Variants in RGS3 observed in about 807,000 individuals in gnomAD.
RGS3 encodes regulator of G protein signaling 3.
RGS3 carries 80 observed loss-of-function variants against 132.6 expected under a neutral mutation model. The ratio of observed to expected loss-of-function variants is 0.60; its 90% CI spans 0.50 to 0.73. The LOEUF is 0.73. RGS3 is among the 30% of genes least tolerant of loss of function. The probability of loss-of-function intolerance (pLI) is 0.00; values close to 1 mark genes in which losing one functional copy is unlikely to be tolerated. For missense variants in RGS3, 1,382 were observed against 1,530.8 expected (o/e 0.90, Z 1.62); for synonymous variants, 598 against 620.6 (o/e 0.96, Z 0.54).
chr9:113,565,044 T>C lies in RGS3; in HGVS notation c.2038-18406T>C. On this transcript the variant is annotated intron_variant, in intron 19 of 24. Coordinates refer to ENST00000350696, the Ensembl canonical transcript of RGS3. The surrounding 1 kb of genome is among the most constrained non-coding windows in gnomAD (Gnocchi z 5.7). ...CTCAGGATGTGTGTGGGGTGGAGCC[T>C]GCTAGGGATCCCAGTGCCAGGGGGT... is the stretch of plus-strand genomic sequence containing the variant. 1.8e-6 allele frequency: 2 copies of C among 1,132,442 alleles called. 1 individual carries two copies. Among genetic ancestry groups the C allele is most frequent in the South Asian group, 3.8e-5 (2 of 52,278 alleles). 70.1% of individuals were successfully genotyped at this position (1,132,442 alleles called of 1,614,324 possible).
At chr9:113,583,660 G>A (rs2118978407) in exon 20 of RGS3, 1 of 1,614,068 alleles carries the variant, frequency 6.2e-7, no homozygotes, top group Non-Finnish European at 8.5e-7. Flanking sequence ...AGCTACCTCT[G>A]AAGGATCCCC....
At chr9:113,544,773 G>GC (rs1013425756) in intron 19 of RGS3, among the ~76,000 whole-genome samples, 7 of 152,222 alleles carry the variant, frequency 4.6e-5, no homozygotes, top group African/African-American at 1.7e-4. Flanking sequence ...GGCCAAGCTT[G>GC]CCCTCAAGCC....
intron 3 of RGS3, chr9:113,479,181 T>C (rs762002069): frequency 7.9e-6 from 3 of 378,734 alleles, no homozygotes; most frequent in Non-Finnish European, 1.4e-5. Context: ...TTTACCAACA[T>C]TTGACAACGA....
intron 10 of RGS3, 143 bp from the exon 9 acceptor site, chr9:113,505,299 G>A (rs543445063): frequency 9.9e-4 from 673 of 676,770 alleles, no homozygotes; most frequent in Non-Finnish European, 1.5e-3. Context: ...GGGACACTGA[G>A]GGGCTGGCTA....
intron 18 of RGS3, among the ~76,000 whole-genome samples, chr9:113,533,129 A>G: frequency 6.6e-6 from 1 of 151,778 alleles, no homozygotes; most frequent in Non-Finnish European, 1.5e-5. Context: ...GCTGCTCTGA[A>G]CCTTGGCCAT....
intron 10 of RGS3, among the ~76,000 whole-genome samples, chr9:113,502,075 T>C (rs1830924189): frequency 6.6e-6 from 1 of 152,216 alleles, no homozygotes; most frequent in African/African-American, 2.4e-5. Flanking sequence ...TATGTACATA[T>C]GTATAACTTT....
intron 1 of RGS3, chr9:113,445,044 G>A (rs1829072933): frequency 6.6e-6 from 1 of 152,138 alleles, no homozygotes; most frequent in South Asian, 2.1e-4. Context: ...CCAACAAAAA[G>A]ACTTAAGATT....
intron 3 of RGS3, among the ~76,000 whole-genome samples, chr9:113,475,507 G>T (rs1223013190): frequency 6.6e-6 from 1 of 152,136 alleles, no homozygotes; most frequent in Non-Finnish European, 1.5e-5. Context: ...TTGGGCTCAA[G>T]GAATCCTCCT....
intron 7 of RGS3, among the ~76,000 whole-genome samples, chr9:113,489,991 T>C (rs899138715): frequency 3.3e-5 from 5 of 152,140 alleles, no homozygotes; most frequent in African/African-American, 1.2e-4. Flanking sequence ...AAAGAAGTTC[T>C]GGGGAAGGGC....
At chr9:113,529,562 C>T (rs868267680) in intron 18 of RGS3, among the ~76,000 whole-genome samples, 4 of 152,290 alleles carry the variant, frequency 2.6e-5, no homozygotes, top group South Asian at 2.1e-4. Flanking sequence ...GGGGTGTGGC[C>T]GGGCAACTGT....
At chr9:113,559,695 G>A (rs570568489) in intron 19 of RGS3, among the ~76,000 whole-genome samples, 4 of 152,282 alleles carry the variant, frequency 2.6e-5, no homozygotes, top group South Asian at 2.1e-4. Context: ...CTGGGCTTCC[G>A]CCTTGTAACC....
At chr9:113,478,048 T>C (rs1440909052) in intron 3 of RGS3, among the ~76,000 whole-genome samples, 1 of 152,238 alleles carries the variant, frequency 6.6e-6, no homozygotes, top group Non-Finnish European at 1.5e-5. Context: ...CTGGAGGCCA[T>C]TGGGTATCTG....
In RGS3 at chr9:113,588,200, G is replaced by A. The variant is rs536666728; in HGVS notation, c.3016-3133G>A. Among the ~76,000 whole-genome samples the A allele has an allele frequency of 4.3e-4, 66 of 152,328 alleles. 1 individual carries two copies. Among genetic ancestry groups the A allele is most frequent in the Admixed American group, 2.2e-3 (33 of 15,302 alleles). On this transcript the variant is annotated intron_variant, in intron 20 of 24. Transcript: ENST00000350696. ...CAGCCCTGTTTCACTAAGCTCCCAC[G>A]TAGGTCAGAGATCAGACGAGAGGAC...
At chr9:113,555,180 T>A (rs1328744954) in intron 19 of RGS3, among the ~76,000 whole-genome samples, 1 of 152,244 alleles carries the variant, frequency 6.6e-6, no homozygotes. Flanking sequence ...TTAGACTTAA[T>A]GACTTTAGCT....
intron 1 of RGS3, among the ~76,000 whole-genome samples, chr9:113,461,548 G>A (rs1481250503): frequency 6.6e-6 from 1 of 152,158 alleles, no homozygotes; most frequent in Non-Finnish European, 1.5e-5. Context: ...ACCATCAGAG[G>A]GGCCAGCTCA....
chr9:113,542,674 G>T (rs1832951611), intron 19 of RGS3, among the ~76,000 whole-genome samples: 1 of 152,322 alleles, frequency 6.6e-6, no homozygotes, highest in Non-Finnish European at 1.5e-5. Context: ...CAGGCCTCGT[G>T]GGGGATAGTG....
At chr9:113,572,531 ACC>A (rs1295604414) in intron 19 of RGS3, among the ~76,000 whole-genome samples, 2 of 151,918 alleles carry the variant, frequency 1.3e-5, no homozygotes, top group Non-Finnish European at 2.9e-5. Flanking sequence ...CTGGATGGGC[ACC>A]CCACCACCAC....
chr9:113,595,149 G>T, intron 23 of RGS3, 169 bp downstream of exon 21: 1 of 648,132 alleles, frequency 1.5e-6, no homozygotes, highest in African/African-American at 1.8e-5. Context: ...CCTTGGTCTG[G>T]CCTTGGAGCC....
intron 3 of RGS3, among the ~76,000 whole-genome samples, chr9:113,471,637 G>A (rs758205488): frequency 6.2e-5 from 9 of 144,332 alleles, no homozygotes; most frequent in African/African-American, 2.1e-4. Flanking sequence ...TGCCTCTTCC[G>A]TCCCTTCCTC....
Sources: gnomAD v4.1 joint callset for allele counts (sites outside exome capture counted in the v4.1 genomes callset) on GRCh38, gnomAD v4.1.1 for gene constraint, Gnocchi (gnomAD v3.1) non-coding constraint, MANE v1.5 for transcripts, NCBI Gene and HGNC (gene_info 2026-07-23, HGNC 2026-07-21) for gene names.